The following CHSY3 variants were observed in gnomAD, a reference collection of about 807,000 sequenced individuals.
CHSY3 encodes the protein N-acetylgalactosaminyl-proteoglycan 3-beta-glucuronosyltransferase 3.
In CHSY3, 35 loss-of-function variants were observed where a neutral mutation model predicts 67.2. The ratio of observed to expected loss-of-function variants is 0.52; its 90% confidence interval spans 0.40 to 0.69. The LOEUF (loss-of-function observed/expected upper bound fraction) is 0.69. CHSY3 is among the 30% of genes least tolerant of loss of function. The pLI, the probability that CHSY3 is intolerant of heterozygous loss-of-function variation, is 0.00. For synonymous variants in CHSY3, 474 were observed against 434.7 expected (o/e 1.09, Z -1.12); for missense variants, 1,069 against 1,138.5 (o/e 0.94, Z 0.88).
intron 2 of CHSY3, among the ~76,000 whole-genome samples, chr5:129,909,989 T>C (rs1322185712): frequency 6.6e-6 from 1 of 152,026 alleles, no homozygotes; most frequent in East Asian, 1.9e-4. Flanking sequence ...TCATTGATTC[T>C]GCTGTGAAGG....
chr5:130,181,464 C>G (rs919308172), intron 2 of CHSY3, among the ~76,000 whole-genome samples: 4 of 152,176 alleles, frequency 2.6e-5, no homozygotes, highest in Non-Finnish European at 5.9e-5. Flanking sequence ...CTCTCTCTCT[C>G]TGTCTCTCTC....
intron 2 of CHSY3, among the ~76,000 whole-genome samples, chr5:129,996,700 C>G (rs1763549850): frequency 2.6e-5 from 4 of 152,042 alleles, no homozygotes; most frequent in Admixed American, 2.0e-4. Flanking sequence ...ATCTTATTAT[C>G]TTTATGACAA....
intron 2 of CHSY3, among the ~76,000 whole-genome samples, chr5:130,054,207 C>T (rs182799911): frequency 1.2e-3 from 180 of 152,218 alleles, no homozygotes; most frequent in African/African-American, 4.1e-3. Flanking sequence ...TTCTCTTATT[C>T]AGCTCATCTA....
chr5:130,140,419 A>C, intron 2 of CHSY3: 1 of 834,396 alleles, frequency 1.2e-6, no homozygotes, highest in Non-Finnish European at 1.9e-6. Flanking sequence ...AATTGCAGAA[A>C]CCTACCTTGG....
At chr5:130,141,772 C>A in intron 2 of CHSY3, 1 of 451,658 alleles carries the variant, frequency 2.2e-6, no homozygotes, top group South Asian at 1.7e-5. Flanking sequence ...GGATAAGAAT[C>A]AGATTCAGAA....
At chr5:129,962,751 T>C (rs1762368320) in intron 2 of CHSY3, among the ~76,000 whole-genome samples, 1 of 151,986 alleles carries the variant, frequency 6.6e-6, no homozygotes, top group South Asian at 2.1e-4. Context: ...GACTCTGGCT[T>C]TTTTTGTACA....
intron 2 of CHSY3, among the ~76,000 whole-genome samples, chr5:129,922,500 A>G (rs536524054): frequency 2.0e-5 from 3 of 152,226 alleles, no homozygotes; most frequent in African/African-American, 7.2e-5. Context: ...AACACTTGTT[A>G]TTTTTGATCT....
At chr5:130,163,565 A>G (rs1736558114) in intron 2 of CHSY3, among the ~76,000 whole-genome samples, 1 of 152,052 alleles carries the variant, frequency 6.6e-6, no homozygotes, top group Admixed American at 6.6e-5. Flanking sequence ...AAAAAAATCT[A>G]TTTTTCTCGA....
At chr5:130,066,454 G>A (rs565691295) in intron 2 of CHSY3, among the ~76,000 whole-genome samples, 1 of 151,994 alleles carries the variant, frequency 6.6e-6, no homozygotes, top group East Asian at 1.9e-4. Context: ...TGAACTTAGG[G>A]CCTCTAGCTG....
intron 2 of CHSY3, among the ~76,000 whole-genome samples, chr5:129,949,706 A>T (rs889841425): frequency 2.6e-5 from 4 of 152,188 alleles, no homozygotes; most frequent in African/African-American, 9.7e-5. Flanking sequence ...ACATACAAAA[A>T]TCCCCAACAA....
chr5:130,030,460 G>A (rs1764674435), intron 2 of CHSY3, among the ~76,000 whole-genome samples: 1 of 152,008 alleles, frequency 6.6e-6, no homozygotes, highest in South Asian at 2.1e-4. Context: ...TGTATTTTGA[G>A]GTTAATTTTC....
intron 2 of CHSY3, among the ~76,000 whole-genome samples, chr5:129,947,910 C>A (rs11959265): frequency 0.5 from 76,237 of 151,946 alleles, 19,593 homozygotes; most frequent in Middle Eastern, 0.61. Flanking sequence ...TGTATGTCTT[C>A]TTTGGGAAAA....
intron 2 of CHSY3, among the ~76,000 whole-genome samples, chr5:130,017,378 G>T (rs1764246060): frequency 6.6e-6 from 1 of 152,038 alleles, no homozygotes; most frequent in African/African-American, 2.4e-5. Flanking sequence ...CATTGCCCCA[G>T]GCTTTCTCAA....
intron 2 of CHSY3, among the ~76,000 whole-genome samples, chr5:129,911,811 C>T (rs1581357762): frequency 6.6e-6 from 1 of 152,246 alleles, no homozygotes; most frequent in East Asian, 1.9e-4. Context: ...AATCCCAGCA[C>T]TTTGGGAGGC....
At chr5:129,956,942 T>A (rs2149604958) in intron 2 of CHSY3, among the ~76,000 whole-genome samples, 1 of 152,284 alleles carries the variant, frequency 6.6e-6, no homozygotes, top group Non-Finnish European at 1.5e-5. Context: ...TCTTTGGCTA[T>A]TCGGGCTATT....
At chr5:129,973,685 C>G (rs2149615689) in intron 2 of CHSY3, among the ~76,000 whole-genome samples, 1 of 152,206 alleles carries the variant, frequency 6.6e-6, no homozygotes, top group South Asian at 2.1e-4. Context: ...GGCCTCATTA[C>G]CTCTCCTAGA....
chr5:130,178,612 T>C (rs1173442097), intron 2 of CHSY3, among the ~76,000 whole-genome samples: 2 of 152,134 alleles, frequency 1.3e-5, no homozygotes, highest in East Asian at 3.9e-4. Context: ...TAATTCATTA[T>C]ACATTTTTTT....
rs529461278 is a variant in CHSY3, at chr5:130,140,343, C to T, written c.1087-43886C>T. On this transcript the variant is annotated intron_variant, in intron 2 of 2. Transcript: ENST00000305031. ...ATAAGCACAACGTCCAAGTAGAATACAAGGGAGAGACAAAAAGCTTCTATC... is the reference window on the plus strand; with the variant it reads ...ATAAGCACAACGTCCAAGTAGAATATAAGGGAGAGACAAAAAGCTTCTATC... The T allele has an allele frequency of 5.3e-6, 3 of 561,230 alleles. No homozygotes were observed. In the African/African-American group the frequency reaches 5.8e-5, roughly 11 times the overall value. 34.8% of individuals were successfully genotyped at this position (561,230 alleles called of 1,614,324 possible).
intron 2 of CHSY3, among the ~76,000 whole-genome samples, chr5:130,003,684 A>G (rs1322982581): frequency 2.6e-5 from 4 of 152,170 alleles, no homozygotes; most frequent in Non-Finnish European, 4.4e-5. Context: ...ATCCCAATGA[A>G]TAAGAAGAGA....
Sources: gnomAD v4.1 joint callset for allele counts (sites outside exome capture counted in the v4.1 genomes callset) on GRCh38, gnomAD v4.1.1 for gene constraint, MANE v1.5 for transcripts, NCBI Gene and HGNC (gene_info 2026-07-23, HGNC 2026-07-21) for gene names.